Variants in GALNT8 observed in about 807,000 individuals in gnomAD.
GALNT8 encodes polypeptide N-acetylgalactosaminyltransferase 8, also known as probable polypeptide N-acetylgalactosaminyltransferase 8.
In GALNT8, 66 loss-of-function variants were observed where a neutral mutation model predicts 62.7. The ratio of observed to expected loss-of-function variants is 1.05; its 90% confidence interval spans 0.86 to 1.29. GALNT8 has a LOEUF of 1.29. Among genes scored for constraint, GALNT8 ranks in the 50% most tolerant of loss-of-function variants. The pLI is 0.00. For synonymous variants in GALNT8, 288 were observed against 294.3 expected (o/e 0.98, Z 0.22); for missense variants, 771 against 791.8 (o/e 0.97, Z 0.32).
chr12:4,772,519 T>C lies in GALNT8; in HGVS notation c.1836T>C (p.Leu612=). The C allele has an allele frequency of 6.2e-7, 1 of 1,613,492 alleles. No homozygotes were observed. Residue 612 remains leucine, a synonymous_variant, in exon 11 of 11, where the codon CTT becomes CTC. Coordinates refer to ENST00000252318, the MANE Select transcript of GALNT8 (RefSeq NM_017417.2). ...AGGATCTTTTGGGTAGCCACGTGCT[T>C]GTGCTCCAGACCTGTAGCACGCAAG... ...MKKDLLGSHV[L]VLQTCSTQVW... is the part of the protein sequence containing the mutation.
Position 4,772,558 on chromosome 12 carries a change from G to T in GALNT8, c.1875G>T (p.Gln625His), listed in dbSNP as rs1359178684. Residue 625 changes from glutamine (Q) to histidine (H), a missense_variant, in exon 11 of 11, where the codon CAG (glutamine) becomes CAT (histidine). Transcript: ENST00000252318. ...QTCSTQVWEIQHTVRDWGQTN... is the reference protein window; with the variant it reads ...QTCSTQVWEIHHTVRDWGQTN... ...GTAGCACGCAAGTGTGGGAAATCCA[G>T]CACACTGTCAGAGACTGGGGTCAGA... is the stretch of plus-strand genomic sequence containing the variant. 6.2e-7 allele frequency: 1 copy of T among 1,613,834 alleles called. No homozygotes were observed.
Position 4,749,290 on chromosome 12 carries a change from T to C in GALNT8, c.1173+3032T>C, listed in dbSNP as rs897673699. 2.0e-5 allele frequency among the ~76,000 whole-genome samples: 3 copies of C among 152,150 alleles called. No individual in the cohort carries two copies. The highest frequency in any genetic ancestry group is 7.2e-5 in the African/African-American group (3 of 41,462). On this transcript the variant is annotated intron_variant, in intron 6 of 10. Transcript: ENST00000252318. The surrounding 1 kb of genome is among the most constrained non-coding windows in gnomAD (Gnocchi z 4.1). ...GGCACCTTTGTCATGTTCCAGATCTTAGAGGAAAGGCTTTCAGTTATGTTA... is the reference window on the plus strand; with the variant it reads ...GGCACCTTTGTCATGTTCCAGATCTCAGAGGAAAGGCTTTCAGTTATGTTA...
intron 1 of GALNT8, among the ~76,000 whole-genome samples, chr12:4,724,807 G>A (rs939431304): frequency 2.6e-5 from 4 of 151,992 alleles, no homozygotes; most frequent in Non-Finnish European, 5.9e-5. Flanking sequence ...CCAGTCTTAC[G>A]TCACTTTACA....
At chr12:4,721,244 TG>T (rs1217297557) in intron 1 of GALNT8, among the ~76,000 whole-genome samples, 1 of 152,102 alleles carries the variant, frequency 6.6e-6, no homozygotes, top group Admixed American at 6.5e-5. Context: ...AGGGGTGGGT[TG>T]CACCTCCACA....
rs1946299504 is a variant in GALNT8 at position 4,746,287 on chromosome 12, A to G, written c.1173+29A>G. 4.9e-6 allele frequency: 6 copies of G among 1,216,466 alleles called. No individual in the cohort carries two copies. The East Asian group carries it at 1.2e-4, about 23-fold the overall frequency. The allele number at this position is 1,216,466 out of a possible 1,614,324, so 75.4% of individuals were successfully genotyped here. A position where few individuals can be genotyped will look rare whatever the true frequency, so the allele number is the denominator to read the frequency against. The stretch of plus-strand genomic sequence containing the variant: ...GGTACATTTCCCTTTTCTTTATGGG[A>G]CAAAGCAGAAAGGGGAATAATAGAA... On this transcript the variant is annotated intron_variant, in intron 6 of 10. Coordinates refer to ENST00000252318, the MANE Select transcript of GALNT8 (RefSeq NM_017417.2).
chr12:4,761,042 G>T lies in GALNT8; in HGVS notation c.1258G>T (p.Asp420Tyr), dbSNP rs1024292090. The change falls in exon 7 of 11, where the codon GAT becomes TAT. Residue 420 changes from aspartate (D) to tyrosine (Y), a missense_variant. Transcript: ENST00000252318. ...LERHHKPYALDLTAALKRNAL... is the reference protein window; with the variant it reads ...LERHHKPYALYLTAALKRNAL... Reference sequence around the variant, plus strand: ...GAGACACCACAAGCCCTACGCCTTGGATCTCACCGCTGCCTTGAAGCGCAA... The same window carrying T: ...GAGACACCACAAGCCCTACGCCTTGTATCTCACCGCTGCCTTGAAGCGCAA... The T allele has an allele frequency of 2.5e-6, 4 of 1,613,946 alleles. No individual in the cohort carries two copies. The African/African-American group carries it at 5.3e-5, about 22-fold the overall frequency.
chr12:4,738,474 G>T (rs1946255766), intron 2 of GALNT8, among the ~76,000 whole-genome samples: 1 of 152,178 alleles, frequency 6.6e-6, no homozygotes, highest in African/African-American at 2.4e-5. Context: ...AAAGTGCAAA[G>T]ACTGCCCATG....
intron 6 of GALNT8, 88 bp from the exon 7 acceptor site, chr12:4,760,870 C>T (rs1191123533): frequency 1.3e-5 from 14 of 1,080,986 alleles, no homozygotes; most frequent in Admixed American, 8.3e-5. Context: ...TCTTTAAAAA[C>T]GGCTCTAAAA....
intron 6 of GALNT8, among the ~76,000 whole-genome samples, chr12:4,760,401 C>T (rs1220155381): frequency 6.6e-6 from 1 of 152,230 alleles, no homozygotes; most frequent in Non-Finnish European, 1.5e-5. Context: ...ACCCTCCAAT[C>T]TTATGCAGTG....
At chr12:4,739,653 T>C (rs1170075423) in intron 3 of GALNT8, among the ~76,000 whole-genome samples, 1 of 151,750 alleles carries the variant, frequency 6.6e-6, no homozygotes, top group Admixed American at 6.6e-5. Context: ...CTCTTTTTTT[T>C]TTTTTCTTTT....
Position 4,744,618 on chromosome 12 carries a change from C to G in GALNT8, c.778C>G (p.Gln260Glu). The G allele has an allele frequency of 6.2e-7, 1 of 1,613,726 alleles. No homozygotes were observed. The highest frequency in any genetic ancestry group is 1.1e-5 in the South Asian group (1 of 91,054). Residue 260 changes from glutamine (Q) to glutamate (E), a missense_variant, in exon 4 of 11, where the codon CAA becomes GAA. Gln to Glu is a conservative substitution (Grantham distance 29). Coordinates refer to ENST00000252318, the MANE Select transcript of GALNT8 (RefSeq NM_017417.2). ...GCATCCTGAAAGGAAAGGTCTTGCT[C>G]AAGCCCGCAACACTGGCTGGGAAGC... Reference protein sequence around the residue: ...IRHPERKGLAQARNTGWEAAT... With the variant: ...IRHPERKGLAEARNTGWEAAT...
intron 2 of GALNT8, among the ~76,000 whole-genome samples, chr12:4,737,944 A>G (rs946130387): frequency 1.3e-5 from 2 of 152,344 alleles, no homozygotes; most frequent in African/African-American, 4.8e-5. Flanking sequence ...TCTATTCATT[A>G]TAAGTTACCC....
intron 6 of GALNT8, among the ~76,000 whole-genome samples, chr12:4,752,018 C>G (rs1345807626): frequency 6.6e-6 from 1 of 152,106 alleles, no homozygotes; most frequent in Non-Finnish European, 1.5e-5. Flanking sequence ...TTCTTTGTCT[C>G]TTCTTATAGT....
intron 3 of GALNT8, 41 bp downstream of exon 3, chr12:4,739,370 T>C: frequency 6.5e-7 from 1 of 1,534,782 alleles, no homozygotes; most frequent in South Asian, 1.1e-5. Flanking sequence ...AAATGACCAC[T>C]TATCATCTGT....
rs145805938 is a variant in GALNT8, at chr12:4,761,009, C to T, written c.1225C>T (p.His409Tyr). Reference protein sequence around the residue: ...VEILPCSRIAHLERHHKPYAL... With the variant: ...VEILPCSRIAYLERHHKPYAL... ...GATTTTGCCCTGTTCCCGGATTGCCCACCTAGAGAGACACCACAAGCCCTA... is the reference window on the plus strand; with the variant it reads ...GATTTTGCCCTGTTCCCGGATTGCCTACCTAGAGAGACACCACAAGCCCTA... Residue 409 changes from histidine (H) to tyrosine (Y), a missense_variant, in exon 7 of 11, where the codon CAC becomes TAC. By Grantham distance (83) the His-to-Tyr change is moderately conservative. Coordinates refer to ENST00000252318, the MANE Select transcript of GALNT8 (RefSeq NM_017417.2). 527 of 1,613,976 alleles carry T rather than the reference C, an allele frequency of 3.3e-4. 4 individuals are homozygous for T. Among genetic ancestry groups the T allele is most frequent in the Admixed American group, 1.0e-4 (6 of 60,002 alleles).
Position 4,749,762 on chromosome 12 carries a change from G to T in GALNT8, c.1173+3504G>T, listed in dbSNP as rs1021743827. Among the ~76,000 whole-genome samples, 9 of 151,894 alleles carry T rather than the reference G, an allele frequency of 5.9e-5. No individual in the cohort carries two copies. The highest frequency in any genetic ancestry group is 1.9e-4 in the African/African-American group (8 of 41,360). On this transcript the variant is annotated intron_variant, in intron 6 of 10. Coordinates refer to ENST00000252318, the MANE Select transcript of GALNT8 (RefSeq NM_017417.2). The surrounding 1 kb of genome is among the most constrained non-coding windows in gnomAD (Gnocchi z 4.1). The stretch of plus-strand genomic sequence containing the variant: ...GTACTAGTTTTTCTTTAAATATTCG[G>T]TAGAAATCAACAGTGAAACCACTGA...
chr12:4,763,806 G>A (rs1946384590), intron 8 of GALNT8, 146 bp from the exon 9 acceptor site: 8 of 636,720 alleles, frequency 1.3e-5, no homozygotes, highest in East Asian at 1.1e-4. Flanking sequence ...CTTAGAAAAT[G>A]CCTGCCGGGA....
At chr12:4,721,821 C>A (rs988372257) in intron 1 of GALNT8, among the ~76,000 whole-genome samples, 12 of 152,190 alleles carry the variant, frequency 7.9e-5, no homozygotes, top group Admixed American at 5.2e-4. Context: ...TTTCCCTTCC[C>A]ACGAGGCCAT....
rs1261578228 is a variant in GALNT8, at chr12:4,726,823, A to T, written c.503A>T (p.Asp168Val). ...AATCGCACCATCCCCGACACGCGAG[A>T]CTACAGGTGGGATGAACCAGGCTTG... ...PLNRTIPDTRDYRCLRKTYPS... is the reference protein window; with the variant it reads ...PLNRTIPDTRVYRCLRKTYPS... The change falls in exon 2 of 11, where the codon GAC becomes GTC. Residue 168 changes from aspartate (D) to valine (V), a missense_variant. Asp to Val is a radical substitution (Grantham distance 152, BLOSUM62 -3). Transcript: ENST00000252318. The surrounding 1 kb of genome is among the most constrained non-coding windows in gnomAD (Gnocchi z 4.1). The T allele has an allele frequency of 6.2e-7, 1 of 1,609,506 alleles. No individual in the cohort carries two copies. The highest frequency in any genetic ancestry group is 8.5e-7 in the Non-Finnish European group (1 of 1,177,068).
Sources: gnomAD v4.1 joint callset for allele counts (sites outside exome capture counted in the v4.1 genomes callset) on GRCh38, gnomAD v4.1.1 for gene constraint, Gnocchi (gnomAD v3.1) non-coding constraint, MANE v1.5 for transcripts, NCBI Gene and HGNC (gene_info 2026-07-23, HGNC 2026-07-21) for gene names.